ABCC6: variants seen among roughly 807,000 people sequenced by gnomAD.
The protein encoded by ABCC6 is ATP binding cassette subfamily C member 6, also known as ATP-binding cassette sub-family C member 6.
Under a neutral mutation model 169.5 loss-of-function variants are expected in ABCC6, and 126 were observed. The observed-to-expected ratio is 0.74, with a 90% CI of 0.64 to 0.86. The LOEUF is 0.86. Ranked by LOEUF, ABCC6 falls within the 40% of genes least tolerant of loss-of-function variation. The probability of loss-of-function intolerance (pLI) is 0.00; values close to 1 mark genes in which losing one functional copy is unlikely to be tolerated. For synonymous variants in ABCC6, 752 were observed against 814.7 expected, an observed-to-expected ratio of 0.92 and a Z score of 1.31; for missense variants, 1,733 against 1,927.2, an observed-to-expected ratio of 0.90 and a Z score of 1.89.
chr16:16,173,597 C>T (rs781403462), intron 20 of ABCC6, among the ~76,000 whole-genome samples, 193 bp from the exon 21 acceptor site: 1 of 152,142 alleles, frequency 6.6e-6, no homozygotes, highest in Admixed American at 6.5e-5. Flanking sequence ...CAGCTAAATG[C>T]CATCTATTAC....
rs67470842 is a variant in ABCC6 at position 16,182,856 on chromosome 16, A to G, written c.2018T>C (p.Leu673Pro). The change falls in exon 16 of 31, where the codon CTG becomes CCG. Residue 673 changes from leucine to proline, a missense_variant. This residue lies in a region of ABCC6 where 1,601 missense variants were observed against 1,635.5 expected (regional missense o/e 0.98). Transcript: ENST00000205557. Reference sequence around the variant, plus strand: ...TGACAGCTCCCCAAGGAGGGCGGACAGCAGGGAGGACTTCCCTGCCCCCAC... The same window carrying G: ...TGACAGCTCCCCAAGGAGGGCGGACGGCAGGGAGGACTTCCCTGCCCCCAC... ...GPVGAGKSSL[L>P]SALLGELSKV... The G allele has an allele frequency of 1.5e-5, 24 of 1,613,982 alleles. No homozygotes were observed. The highest frequency in any genetic ancestry group is 1.9e-5 in the Non-Finnish European group (22 of 1,180,004).
intron 20 of ABCC6, 109 bp from the exon 21 acceptor site, chr16:16,173,513 T>C: frequency 7.7e-7 from 1 of 1,297,198 alleles, no homozygotes; most frequent in South Asian, 1.2e-5. Context: ...GTACACTCTG[T>C]ACTCTTTCAT....
chr16:16,187,737 T>A lies in ABCC6; in HGVS notation c.1780-526A>T, dbSNP rs559163886. On this transcript the variant is annotated intron_variant, in intron 13 of 30. Coordinates refer to ENST00000205557, the MANE Select transcript of ABCC6 (RefSeq NM_001171.6). ...CAAGACTCTTTGTTTCTACAAAAAA[T>A]TAAAAAAATTAGCCGGATGTGGTGG... is the stretch of plus-strand genomic sequence containing the variant. 3.3e-5 allele frequency among the ~76,000 whole-genome samples: 5 copies of A among 151,852 alleles called. No homozygotes were observed. In the South Asian group the frequency reaches 1.0e-3, roughly 32 times the overall value.
chr16:16,201,955 T>G (rs1185811753), intron 9 of ABCC6, 46 bp downstream of exon 9: 1 of 1,611,684 alleles, frequency 6.2e-7, no homozygotes, highest in Non-Finnish European at 8.5e-7. Context: ...TCAGTGATAC[T>G]GCTTTTCCTG....
chr16:16,197,413 G>A (rs1221945273), intron 10 of ABCC6, among the ~76,000 whole-genome samples: 1 of 151,722 alleles, frequency 6.6e-6, no homozygotes, highest in Non-Finnish European at 1.5e-5. Flanking sequence ...GGAGGAGGAG[G>A]AGAAGGAGGA....
At chr16:16,194,533 G>T (rs979121156) in intron 10 of ABCC6, among the ~76,000 whole-genome samples, 2 of 152,164 alleles carry the variant, frequency 1.3e-5, no homozygotes, top group East Asian at 3.9e-4. Flanking sequence ...ATGTGGAAGT[G>T]GGGGGTAGAA....
rs543522424 is a variant in ABCC6, at chr16:16,176,052, A to G, written c.2591-66T>C. Reference sequence around the variant, plus strand: ...ATACCCACTTTGACACCCACTGACTATGTGGCCTTAACCGCTCTGACCATC... The same window carrying G: ...ATACCCACTTTGACACCCACTGACTGTGTGGCCTTAACCGCTCTGACCATC... On this transcript the variant is annotated intron_variant, in intron 19 of 30. Coordinates refer to ENST00000205557, the MANE Select transcript of ABCC6 (RefSeq NM_001171.6). The G allele has an allele frequency of 7.3e-6, 11 of 1,507,278 alleles. No individual in the cohort carries two copies. In the South Asian group the frequency reaches 1.2e-4, roughly 17 times the overall value. The allele number at this position is 1,507,278 out of a possible 1,614,324, so 93.4% of individuals were successfully genotyped here.
chr16:16,200,511 T>G (rs59146723), intron 9 of ABCC6, among the ~76,000 whole-genome samples: 45,867 of 136,352 alleles, frequency 0.34, 8,144 homozygotes, highest in Middle Eastern at 0.41. Flanking sequence ...CCTCCTGGCG[T>G]GTGGGTGGGG....
At chr16:16,154,009 G>A (rs572975672) in intron 29 of ABCC6, among the ~76,000 whole-genome samples, 2 of 151,898 alleles carry the variant, frequency 1.3e-5, no homozygotes, top group Non-Finnish European at 2.9e-5. Context: ...GAGTGCAGTG[G>A]TGCAATATCG....
At chr16:16,157,840 A>G in intron 26 of ABCC6, 31 bp from the exon 27 acceptor site, 4 of 1,601,042 alleles carry the variant, frequency 2.5e-6, no homozygotes, top group Non-Finnish European at 3.4e-6. Context: ...GAGTCAGAGG[A>G]GCCTTCCTCT....
chr16:16,201,901 A>C (rs1231862996), intron 9 of ABCC6, 100 bp downstream of exon 9: 1 of 1,329,586 alleles, frequency 7.5e-7, no homozygotes, highest in African/African-American at 1.4e-5. Flanking sequence ...TCTAATAAGC[A>C]AGGACTGAAT....
intron 18 of ABCC6, 139 bp downstream of exon 18, chr16:16,178,659 A>G: frequency 1.0e-6 from 1 of 988,902 alleles, no homozygotes; most frequent in Non-Finnish European, 1.6e-6. Flanking sequence ...TAGCATTGTC[A>G]CAGCAAAAGC....
At chr16:16,209,233 A>C (rs1395731534) in intron 6 of ABCC6, among the ~76,000 whole-genome samples, 1 of 151,846 alleles carries the variant, frequency 6.6e-6, no homozygotes, top group Admixed American at 6.6e-5. Flanking sequence ...ACAGGCACCC[A>C]CCACCATACC....
chr16:16,194,172 G>A (rs552507236), intron 10 of ABCC6, among the ~76,000 whole-genome samples: 100 of 152,308 alleles, frequency 6.6e-4, no homozygotes, highest in Admixed American at 1.8e-3. Context: ...ATCTCCCTTA[G>A]GTGCAATTCT....
At chr16:16,153,620 T>C (rs1567463856) in intron 29 of ABCC6, among the ~76,000 whole-genome samples, 2 of 152,182 alleles carry the variant, frequency 1.3e-5, no homozygotes, top group East Asian at 3.9e-4. Flanking sequence ...ACAGAAACTA[T>C]ACACTGAAAA....
At chr16:16,166,689 G>GAGC (rs1196849609) in intron 22 of ABCC6, among the ~76,000 whole-genome samples, 1 of 152,020 alleles carries the variant, frequency 6.6e-6, no homozygotes, top group Non-Finnish European at 1.5e-5. Flanking sequence ...AGACCAGCCT[G>GAGC]AGCAACACGG....
chr16:16,200,608 T>C (rs7184653), intron 9 of ABCC6, among the ~76,000 whole-genome samples: 81,460 of 117,996 alleles, frequency 0.69, 30,645 homozygotes, highest in East Asian at 0.9. Context: ...AGGGCACACC[T>C]AGCTCTGGCA....
Position 16,206,609 on chromosome 16 carries a change from G to A in ABCC6, c.794+2119C>T, listed in dbSNP as rs577733638. Among the ~76,000 whole-genome samples the A allele has an allele frequency of 1.1e-4, 17 of 152,020 alleles. 1 individual carries two copies. The South Asian group carries it at 2.1e-3, about 19-fold the overall frequency. On this transcript the variant is annotated intron_variant, in intron 7 of 30. Coordinates refer to ENST00000205557, the MANE Select transcript of ABCC6 (RefSeq NM_001171.6). Reference sequence around the variant, plus strand: ...ACCAAAGTTCTCTGTGGGTGCAGTCGGTTGTTTCAGAAGCTGACGGAGCCT... The same window carrying A: ...ACCAAAGTTCTCTGTGGGTGCAGTCAGTTGTTTCAGAAGCTGACGGAGCCT...
intron 21 of ABCC6, among the ~76,000 whole-genome samples, chr16:16,172,070 T>G (rs538416220): frequency 7.3e-6 from 1 of 137,148 alleles, no homozygotes; most frequent in Non-Finnish European, 1.5e-5. Flanking sequence ...AATGAGTGGG[T>G]GGGATGGATA....
Sources: gnomAD v4.1 joint callset for allele counts (sites outside exome capture counted in the v4.1 genomes callset) on GRCh38, gnomAD v4.1.1 for gene constraint, gnomAD v4.1.1 regional missense constraint, MANE v1.5 for transcripts, NCBI Gene and HGNC (gene_info 2026-07-23, HGNC 2026-07-21) for gene names.